The following DLG2 variants were observed in gnomAD, a reference collection of about 807,000 sequenced individuals.
The protein encoded by DLG2 is disks large homolog 2.
DLG2 carries 45 observed loss-of-function variants against 132.5 expected under a neutral mutation model. The ratio of observed to expected loss-of-function variants is 0.34; its 90% CI spans 0.27 to 0.44. The LOEUF (loss-of-function observed/expected upper bound fraction) is 0.44, where lower values mean the gene tolerates loss of function less well. Among genes scored for constraint, DLG2 ranks in the 20% least tolerant of loss-of-function variants. The probability of loss-of-function intolerance (pLI) is 1.00; values close to 1 mark genes in which losing one functional copy is unlikely to be tolerated. For missense variants in DLG2, 1,045 were observed against 1,196.9 expected (o/e 0.87, Z 1.87); for synonymous variants, 424 against 419.6 (o/e 1.01, Z -0.13).
At chr11:85,244,076 C>T (rs568952862) in intron 4 of DLG2, among the ~76,000 whole-genome samples, 1 of 152,090 alleles carries the variant, frequency 6.6e-6, no homozygotes, top group South Asian at 2.1e-4. Context: ...TCCTGTCTCT[C>T]CACATTTTCT....
chr11:84,527,394 G>A (rs2099324578), intron 7 of DLG2, among the ~76,000 whole-genome samples: 1 of 151,900 alleles, frequency 6.6e-6, no homozygotes, highest in African/African-American at 2.4e-5. Context: ...TTTTTTATTG[G>A]CTTCTTCATG....
At chr11:83,956,660 T>C (rs1311471020) in intron 14 of DLG2, among the ~76,000 whole-genome samples, 1 of 152,216 alleles carries the variant, frequency 6.6e-6, no homozygotes, top group Non-Finnish European at 1.5e-5. Context: ...CAAAAGCATA[T>C]AAGAAAAGAT....
At chr11:83,484,951 C>G (rs1347908024) in intron 21 of DLG2, among the ~76,000 whole-genome samples, 1 of 151,956 alleles carries the variant, frequency 6.6e-6, no homozygotes, top group Non-Finnish European at 1.5e-5. Context: ...AGACAGGGAG[C>G]CAGAGGCACA....
chr11:83,764,359 T>A (rs1437090568), intron 18 of DLG2, among the ~76,000 whole-genome samples: 1 of 152,188 alleles, frequency 6.6e-6, no homozygotes, highest in East Asian at 1.9e-4. Flanking sequence ...ATATGGTTGT[T>A]TAATGAATGA....
chr11:84,238,526 G>GACAAAAAAAAA (rs2097187839), intron 8 of DLG2, among the ~76,000 whole-genome samples: 1 of 120,436 alleles, frequency 8.3e-6, no homozygotes, highest in African/African-American at 3.1e-5. Context: ...TCTCAAAAAA[G>GACAAAAAAAAA]AAAAAGAAAA....
At chr11:85,059,756 T>C (rs2063836793) in intron 6 of DLG2, among the ~76,000 whole-genome samples, 3 of 151,626 alleles carry the variant, frequency 2.0e-5, no homozygotes, top group Admixed American at 6.6e-5. Flanking sequence ...TTTTGCAGTG[T>C]AACTGTTAGT....
rs1484138343 is a variant in DLG2, at chr11:83,980,779, A to G, written c.920-137T>C. 2.4e-5 allele frequency: 20 copies of G among 845,852 alleles called. No homozygotes were observed. The South Asian group carries it at 4.0e-4, about 17-fold the overall frequency. The allele number at this position is 845,852 out of a possible 1,614,324, so 52.4% of individuals were successfully genotyped here. ...GTAACAGCAATAAATAACACTAAAA[A>G]CTGTATTTCAATCTCGTTATTTAAA... On this transcript the variant is annotated intron_variant, in intron 11 of 27. Coordinates refer to ENST00000376104, the MANE Select transcript of DLG2 (RefSeq NM_001142699.3).
intron 6 of DLG2, among the ~76,000 whole-genome samples, chr11:84,859,401 T>G (rs1007139174): frequency 6.9e-6 from 1 of 145,280 alleles, no homozygotes; most frequent in Admixed American, 6.9e-5. Context: ...TATATATGTA[T>G]ATATACATAT....
chr11:84,847,728 A>G (rs1254934239), intron 6 of DLG2, among the ~76,000 whole-genome samples: 1 of 152,150 alleles, frequency 6.6e-6, no homozygotes, highest in Admixed American at 6.5e-5. Flanking sequence ...CATGCCTGAT[A>G]CACTCTTTTG....
At chr11:84,849,467 A>G (rs886329802) in intron 6 of DLG2, among the ~76,000 whole-genome samples, 2 of 151,926 alleles carry the variant, frequency 1.3e-5, no homozygotes, top group Non-Finnish European at 2.9e-5. Context: ...CTTTTGCCAT[A>G]TTCCTCTCCA....
chr11:85,305,727 A>T (rs2079895681), intron 3 of DLG2, among the ~76,000 whole-genome samples: 1 of 152,074 alleles, frequency 6.6e-6, no homozygotes, highest in African/African-American at 2.4e-5. Flanking sequence ...GTTAGCCAGG[A>T]TGGTCTGGAT....
At chr11:84,322,692 C>A (rs1599854482) in intron 7 of DLG2, among the ~76,000 whole-genome samples, 1 of 151,732 alleles carries the variant, frequency 6.6e-6, no homozygotes, top group African/African-American at 2.4e-5. Flanking sequence ...CAGGTTCTGG[C>A]AATTCTCTTG....
At chr11:85,358,838 T>C (rs1302329708) in intron 3 of DLG2, among the ~76,000 whole-genome samples, 2 of 152,184 alleles carry the variant, frequency 1.3e-5, no homozygotes, top group Non-Finnish European at 2.9e-5. Context: ...AAGACAATGG[T>C]AGATTTTAAC....
intron 19 of DLG2, among the ~76,000 whole-genome samples, chr11:83,605,972 TAGG>T (rs2059279957): frequency 6.6e-6 from 1 of 152,342 alleles, no homozygotes; most frequent in African/African-American, 2.4e-5. Flanking sequence ...CTTGAGATAC[TAGG>T]AGAAGGGAAC....
intron 6 of DLG2, chr11:84,640,295 C>T (rs1390434014): frequency 3.0e-5 from 10 of 337,488 alleles, no homozygotes; most frequent in Admixed American, 2.3e-4. Context: ...CTATCAATGT[C>T]GTTATCTAGG....
At chr11:84,412,980 TTATAA>T (rs1422941494) in intron 7 of DLG2, among the ~76,000 whole-genome samples, 1 of 152,232 alleles carries the variant, frequency 6.6e-6, no homozygotes, top group Non-Finnish European at 1.5e-5. Flanking sequence ...ATTATCTGAA[TTATAA>T]TATATTTCTT....
rs1184375200 is a variant in DLG2 at position 83,884,166 on chromosome 11, G to A, written c.1497-9678C>T. On this transcript the variant is annotated intron_variant, in intron 15 of 27. Transcript: ENST00000376104. ...ATTGCCTCACTTGGGAAGCACAAGGGGTCAGGGAGTTTCCTTTCCTAGTCA... is the reference window on the plus strand; with the variant it reads ...ATTGCCTCACTTGGGAAGCACAAGGAGTCAGGGAGTTTCCTTTCCTAGTCA... Among the ~76,000 whole-genome samples the A allele has an allele frequency of 5.3e-5, 8 of 152,348 alleles. No individual in the cohort carries two copies. The East Asian group carries it at 1.5e-3, about 29-fold the overall frequency.
chr11:85,470,849 G>C (rs1380530594), intron 3 of DLG2, among the ~76,000 whole-genome samples: 1 of 152,244 alleles, frequency 6.6e-6, no homozygotes, highest in African/African-American at 2.4e-5. Context: ...AATAGACAGT[G>C]AGAGGACTTT....
chr11:85,593,570 A>C (rs1004125793), intron 3 of DLG2, among the ~76,000 whole-genome samples: 3 of 152,190 alleles, frequency 2.0e-5, no homozygotes. Flanking sequence ...ACAAAAAAAG[A>C]TATAAATAAA....
Sources: allele counts gnomAD v4.1 joint callset (sites outside exome capture counted in the v4.1 genomes callset), GRCh38; gene constraint gnomAD v4.1.1; transcripts MANE v1.5; gene names NCBI Gene and HGNC (gene_info 2026-07-23, HGNC 2026-07-21).